NRG3: variants seen among roughly 807,000 people sequenced by gnomAD.
NRG3 encodes the protein neuregulin 3.
NRG3 carries 31 observed loss-of-function variants against 66.9 expected under a neutral mutation model. The observed-to-expected ratio is 0.46, with a 90% confidence interval of 0.35 to 0.63. The LOEUF (loss-of-function observed/expected upper bound fraction) is 0.63. Among genes scored for constraint, NRG3 ranks in the 20% least tolerant of loss-of-function variants. The pLI is 0.00. For synonymous variants in NRG3, 393 were observed against 359.4 expected (o/e 1.09, Z -1.06); for missense variants, 910 against 878.9 (o/e 1.04, Z -0.45).
At position 82,648,695 on chromosome 10, in the gene NRG3, G is replaced by A. The variant is rs572451132; in HGVS notation, c.954-89882G>A. ...CTTCTATTTCATTGAGCAGTGGTTT[G>A]TAGTTCTCCTTGAAGAGGTCCTTCA... On this transcript the variant is annotated intron_variant, in intron 2 of 8. Coordinates refer to ENST00000372141, the MANE Select transcript of NRG3 (RefSeq NM_001010848.4). Among the ~76,000 whole-genome samples the A allele has an allele frequency of 2.1e-3, 323 of 152,254 alleles. 5 individuals are homozygous for A. Among genetic ancestry groups the A allele is most frequent in the South Asian group, 0.015 (71 of 4,816 alleles).
chr10:81,934,704 T>A (rs906977478), intron 1 of NRG3, among the ~76,000 whole-genome samples: 1 of 152,190 alleles, frequency 6.6e-6, no homozygotes, highest in Admixed American at 6.6e-5. Flanking sequence ...GATTTGCAAT[T>A]TTTTGCTATA....
At chr10:82,058,837 C>A (rs1479705529) in intron 1 of NRG3, among the ~76,000 whole-genome samples, 1 of 152,076 alleles carries the variant, frequency 6.6e-6, no homozygotes, top group Admixed American at 6.6e-5. Context: ...GTGATATATT[C>A]TTTAATAGAA....
intron 1 of NRG3, among the ~76,000 whole-genome samples, chr10:81,913,589 A>C (rs1211352226): frequency 6.6e-6 from 1 of 151,900 alleles, no homozygotes; most frequent in East Asian, 1.9e-4. Flanking sequence ...AGGCCCAGCT[A>C]ATTTTTGTAT....
chr10:82,350,973 G>A (rs1589815904), intron 1 of NRG3, among the ~76,000 whole-genome samples: 1 of 151,662 alleles, frequency 6.6e-6, no homozygotes, highest in East Asian at 1.9e-4. Flanking sequence ...CTCACTGCAA[G>A]CTCCGCCTCC....
In NRG3 at chr10:82,572,412, C is replaced by T. The variant is rs528454032; in HGVS notation, c.954-166165C>T. ...TTGGAGGTACTTAGTAAAGTCGACT[C>T]AATCATAGACCTCCAAATGGAACAA... On this transcript the variant is annotated intron_variant, in intron 2 of 8. Coordinates refer to ENST00000372141, the MANE Select transcript of NRG3 (RefSeq NM_001010848.4). 2.0e-5 allele frequency among the ~76,000 whole-genome samples: 3 copies of T among 151,710 alleles called. No individual in the cohort carries two copies. In the South Asian group the frequency reaches 6.2e-4, roughly 31 times the overall value.
chr10:82,667,424 C>T (rs1349248945), intron 2 of NRG3, among the ~76,000 whole-genome samples: 1 of 152,160 alleles, frequency 6.6e-6, no homozygotes, highest in Non-Finnish European at 1.5e-5. Flanking sequence ...TTTTTTCCAG[C>T]TGTGATTTGG....
At chr10:82,860,613 T>C (rs1469889174) in intron 3 of NRG3, among the ~76,000 whole-genome samples, 1 of 152,202 alleles carries the variant, frequency 6.6e-6, no homozygotes, top group African/African-American at 2.4e-5. Flanking sequence ...AAGCAGTTCC[T>C]GGTACGCAGT....
At chr10:82,436,564 T>C (rs2090152155) in intron 2 of NRG3, among the ~76,000 whole-genome samples, 1 of 152,230 alleles carries the variant, frequency 6.6e-6, no homozygotes, top group Non-Finnish European at 1.5e-5. Flanking sequence ...ATGTGTGAAT[T>C]TGATCCTGTC....
chr10:82,103,944 G>C (rs2066908167), intron 1 of NRG3, among the ~76,000 whole-genome samples: 1 of 149,900 alleles, frequency 6.7e-6, no homozygotes, highest in African/African-American at 2.4e-5. Context: ...CTCTTTCCCA[G>C]CGATCTACTA....
At chr10:82,695,115 G>T (rs944127455) in intron 2 of NRG3, among the ~76,000 whole-genome samples, 1 of 151,980 alleles carries the variant, frequency 6.6e-6, no homozygotes, top group African/African-American at 2.4e-5. Flanking sequence ...ATGTACATTG[G>T]ACATGCAGTA....
intron 1 of NRG3, among the ~76,000 whole-genome samples, chr10:81,880,664 A>T (rs570753351): frequency 6.6e-6 from 1 of 152,208 alleles, no homozygotes; most frequent in East Asian, 1.9e-4. Flanking sequence ...CTCATCTCCA[A>T]TGCCAAACAT....
intron 1 of NRG3, among the ~76,000 whole-genome samples, chr10:82,277,090 A>T (rs780668952): frequency 3.4e-4 from 52 of 151,850 alleles, no homozygotes; most frequent in Non-Finnish European, 3.8e-4. Flanking sequence ...TTTGTTTTTT[A>T]CTTTCTTTCA....
At chr10:82,863,062 C>T (rs2064221521) in intron 3 of NRG3, among the ~76,000 whole-genome samples, 1 of 152,114 alleles carries the variant, frequency 6.6e-6, no homozygotes, top group Admixed American at 6.6e-5. Context: ...TCCCTGTGTT[C>T]ATGTGTTCTC....
chr10:82,034,818 C>CCA (rs1564755204), intron 1 of NRG3, among the ~76,000 whole-genome samples: 1 of 151,992 alleles, frequency 6.6e-6, no homozygotes, highest in Non-Finnish European at 1.5e-5. Flanking sequence ...TCAGTGAGAG[C>CCA]AGAGGCTCTG....
rs1554942725 is a variant in NRG3 at position 82,491,295 on chromosome 10, T to TATATATATATATATATAC, written c.953+132444_953+132445insCATATATATATATATATA. On this transcript the variant is annotated intron_variant, in intron 2 of 8. Coordinates refer to ENST00000372141, the MANE Select transcript of NRG3 (RefSeq NM_001010848.4). ...TTCTGCCTATGCTGTTCCCATAAAA[T>TATATATATATATATATAC]ATATATATATATATATATATAAAAT... Among the ~76,000 whole-genome samples the TATATATATATATATATAC allele has an allele frequency of 3.8e-3, 482 of 126,870 alleles. 9 individuals carry two copies. Among genetic ancestry groups the TATATATATATATATATAC allele is most frequent in the African/African-American group, 0.012 (442 of 37,160 alleles). The allele number at this position is 126,870 out of a possible 152,430, so 83.2% of individuals were successfully genotyped here. A position where few individuals can be genotyped will look rare whatever the true frequency, so the allele number is the denominator to read the frequency against.
At chr10:82,392,323 AT>A (rs1036884175) in intron 2 of NRG3, among the ~76,000 whole-genome samples, 22 of 152,030 alleles carry the variant, frequency 1.4e-4, no homozygotes, top group African/African-American at 5.3e-4. Context: ...CAATTAGCAT[AT>A]TTTTTTCTGA....
intron 2 of NRG3, among the ~76,000 whole-genome samples, chr10:82,639,765 A>G (rs763763706): frequency 1.3e-5 from 2 of 152,030 alleles, no homozygotes; most frequent in Non-Finnish European, 2.9e-5. Context: ...AGCCCTGATT[A>G]TTTTTTTAAT....
intron 4 of NRG3, among the ~76,000 whole-genome samples, chr10:82,894,186 A>G (rs957932171): frequency 1.4e-4 from 22 of 152,358 alleles, no homozygotes; most frequent in Non-Finnish European, 2.5e-4. Context: ...TGAACCCAGC[A>G]AAGTATAAGG....
At chr10:82,017,617 T>G (rs1474752409) in intron 1 of NRG3, among the ~76,000 whole-genome samples, 2 of 152,130 alleles carry the variant, frequency 1.3e-5, no homozygotes, top group Non-Finnish European at 2.9e-5. Flanking sequence ...CCTGACTTTT[T>G]AATGATCGCC....
Sources: allele counts gnomAD v4.1 joint callset (sites outside exome capture counted in the v4.1 genomes callset), GRCh38; gene constraint gnomAD v4.1.1; transcripts MANE v1.5; gene names NCBI Gene and HGNC (gene_info 2026-07-23, HGNC 2026-07-21).